The following MFSD6 variants were observed in gnomAD, a reference collection of about 807,000 sequenced individuals.
The protein encoded by MFSD6 is major facilitator superfamily domain-containing protein 6.
In MFSD6, 26 loss-of-function variants were observed where a neutral mutation model predicts 56.3. That is an observed-to-expected ratio of 0.46 (90% CI 0.34 to 0.64). The LOEUF is 0.64. MFSD6 is among the 30% of genes least tolerant of loss of function. The probability of loss-of-function intolerance (pLI) is 0.01; values close to 1 mark genes in which losing one functional copy is unlikely to be tolerated. For missense variants in MFSD6, 750 were observed against 986.2 expected (o/e 0.76, Z 3.21); for synonymous variants, 331 against 366.9 (o/e 0.90, Z 1.12).
intron 4 of MFSD6, among the ~76,000 whole-genome samples, chr2:190,486,410 C>A (rs13384743): frequency 0.15 from 22,266 of 152,272 alleles, 1,851 homozygotes; most frequent in Middle Eastern, 0.22. Context: ...ATGATGCTAT[C>A]TCCTCTCTGG....
At position 190,431,142 on chromosome 2, in the gene MFSD6, C is replaced by T. The variant is rs969446002; in HGVS notation, c.-53-4835C>T. ...GCAGAGGCGCTCCCCACATCTCAGACGATGGGCAGCCAGGCAGAGACGCTC... is the reference window on the plus strand; with the variant it reads ...GCAGAGGCGCTCCCCACATCTCAGATGATGGGCAGCCAGGCAGAGACGCTC... On this transcript the variant is annotated intron_variant, in intron 2 of 7. Coordinates refer to ENST00000392328, the MANE Select transcript of MFSD6 (RefSeq NM_017694.4). The surrounding 1 kb of genome is among the most constrained non-coding windows in gnomAD (Gnocchi z 4.4). 2.8e-5 allele frequency among the ~76,000 whole-genome samples: 4 copies of T among 141,646 alleles called. No homozygotes were observed. The highest frequency in any genetic ancestry group is 6.1e-5 in the Non-Finnish European group (4 of 65,760). The allele number at this position is 141,646 out of a possible 152,430, so 92.9% of individuals were successfully genotyped here. A position where few individuals can be genotyped will look rare whatever the true frequency, so the allele number is the denominator to read the frequency against.
chr2:190,500,285 C>A lies in MFSD6; in HGVS notation c.*67C>A. 6.4e-7 allele frequency: 1 copy of A among 1,562,172 alleles called. No homozygotes were observed. Among genetic ancestry groups the A allele is most frequent in the East Asian group, 2.3e-5 (1 of 44,142 alleles). On this transcript the variant is annotated 3_prime_UTR_variant, in exon 8 of 8. Transcript: ENST00000392328. The surrounding 1 kb of genome is among the most constrained non-coding windows in gnomAD (Gnocchi z 5.3). ...CTCAGCCAGGACACAGGGTGAGGCCCCCCAGCCAGGATATGCCTCCCCTGG... is the reference window on the plus strand; with the variant it reads ...CTCAGCCAGGACACAGGGTGAGGCCACCCAGCCAGGATATGCCTCCCCTGG...
In MFSD6 at chr2:190,460,446, C is replaced by T. The variant is rs147154779; in HGVS notation, c.1533-9312C>T. ...GTATAATATGTGCATAGTGTATATC[C>T]CTAGCACTTAGCATAGAGTATGTTC... On this transcript the variant is annotated intron_variant, in intron 3 of 7. Transcript: ENST00000392328. Among the ~76,000 whole-genome samples, 1,174 of 152,156 alleles carry T rather than the reference C, an allele frequency of 7.7e-3. 12 individuals carry two copies. Among genetic ancestry groups the T allele is most frequent in the African/African-American group, 0.026 (1,081 of 41,504 alleles).
At chr2:190,455,497 G>T (rs543836092) in intron 3 of MFSD6, among the ~76,000 whole-genome samples, 1 of 152,290 alleles carries the variant, frequency 6.6e-6, no homozygotes, top group East Asian at 1.9e-4. Context: ...ACCTGGTTGA[G>T]TCTTGCTTCT....
At chr2:190,440,168 C>T (rs922630098) in intron 3 of MFSD6, among the ~76,000 whole-genome samples, 5 of 152,146 alleles carry the variant, frequency 3.3e-5, no homozygotes, top group African/African-American at 4.8e-5. Context: ...TGGAGATTCA[C>T]AAATTCTTCA....
rs549113748 is a variant in MFSD6, at chr2:190,479,420, T to C, written c.1631-9237T>C. The stretch of plus-strand genomic sequence containing the variant: ...CAGGGAGTCTACGTGCCTAAAAGCA[T>C]TGCTGGATGGTGGTGGTGGTGAATA... On this transcript the variant is annotated intron_variant, in intron 4 of 7. Coordinates refer to ENST00000392328, the MANE Select transcript of MFSD6 (RefSeq NM_017694.4). Among the ~76,000 whole-genome samples, 6 of 152,314 alleles carry C rather than the reference T, an allele frequency of 3.9e-5. No homozygotes were observed. In the South Asian group the frequency reaches 1.2e-3, roughly 32 times the overall value.
At position 190,443,623 on chromosome 2, in the gene MFSD6, A is replaced by C. The variant is rs987408280; in HGVS notation, c.1532+6062A>C. On this transcript the variant is annotated intron_variant, in intron 3 of 7. Transcript: ENST00000392328. This position sits in a 1 kb window ranked among gnomAD's most constrained non-coding sequence, Gnocchi z 4.2. The stretch of plus-strand genomic sequence containing the variant: ...ACATTCCCCCTTAAACATCTTAGTC[A>C]AATTGAAATTTTTCTCCCCAAATTT... 1.3e-5 allele frequency among the ~76,000 whole-genome samples: 2 copies of C among 152,248 alleles called. No homozygotes were observed. The highest frequency in any genetic ancestry group is 2.9e-5 in the Non-Finnish European group (2 of 68,036).
Position 190,497,575 on chromosome 2 carries a change from C to A in MFSD6, c.2028C>A (p.His676Gln), listed in dbSNP as rs1360808644. The A allele has an allele frequency of 6.2e-7, 1 of 1,614,162 alleles. No individual in the cohort carries two copies. Among genetic ancestry groups the A allele is most frequent in the East Asian group, 2.2e-5 (1 of 44,878 alleles). Residue 676 changes from histidine (H) to glutamine (Q), a missense_variant, in exon 7 of 8, where the codon CAC becomes CAA. Transcript: ENST00000392328. The surrounding 1 kb of genome is among the most constrained non-coding windows in gnomAD (Gnocchi z 5.2). ...EPRLPPKKTK[H>Q]QEEQEDVNKP... ...GACTTCCACCCAAGAAAACTAAGCA[C>A]CAGGAAGAACAGGAAGATGTGAACA...
At chr2:190,450,916 G>A (rs879880702) in intron 3 of MFSD6, among the ~76,000 whole-genome samples, 2 of 152,156 alleles carry the variant, frequency 1.3e-5, no homozygotes, top group East Asian at 1.9e-4. Flanking sequence ...CATCTCCTGC[G>A]CATTGTGGTT....
intron 2 of MFSD6, among the ~76,000 whole-genome samples, chr2:190,419,717 T>G (rs993720138): frequency 2.6e-5 from 4 of 152,238 alleles, no homozygotes; most frequent in African/African-American, 4.8e-5. Context: ...CAGTTTTAAT[T>G]CAAATACATA....
Position 190,438,515 on chromosome 2 carries a change from A to T in MFSD6, c.1532+954A>T, listed in dbSNP as rs758354058. 6.6e-6 allele frequency among the ~76,000 whole-genome samples: 1 copy of T among 152,128 alleles called. No individual in the cohort carries two copies. The highest frequency in any genetic ancestry group is 1.5e-5 in the Non-Finnish European group (1 of 68,012). On this transcript the variant is annotated intron_variant, in intron 3 of 7. Coordinates refer to ENST00000392328, the MANE Select transcript of MFSD6 (RefSeq NM_017694.4). The surrounding 1 kb of genome is among the most constrained non-coding windows in gnomAD (Gnocchi z 5.2). The stretch of plus-strand genomic sequence containing the variant: ...TGGGCAACAGAGTGAGACTCCATCT[A>T]AAAAAAGAGAACACCCTGTAAGTGC...
intron 3 of MFSD6, chr2:190,444,781 A>G (rs1686511481): frequency 3.4e-6 from 1 of 290,714 alleles, no homozygotes; most frequent in Non-Finnish European, 5.1e-6. Context: ...ACTGAGTATT[A>G]GGGTGCTAAA....
At chr2:190,470,545 T>C (rs575099607) in intron 4 of MFSD6, among the ~76,000 whole-genome samples, 1 of 152,308 alleles carries the variant, frequency 6.6e-6, no homozygotes, top group South Asian at 2.1e-4. Flanking sequence ...GGCATCATGA[T>C]TAAAATAAAG....
chr2:190,469,885 T>A lies in MFSD6; in HGVS notation c.1630+30T>A, dbSNP rs1687819739. On this transcript the variant is annotated intron_variant, in intron 4 of 7. Coordinates refer to ENST00000392328, the MANE Select transcript of MFSD6 (RefSeq NM_017694.4). This position sits in a 1 kb window ranked among gnomAD's most constrained non-coding sequence, Gnocchi z 5.3. ...GTTAACAGCTGGGATTGAAATTATT[T>A]CTCTGCCTTCCCTGAGCTGTGGCTA... is the stretch of plus-strand genomic sequence containing the variant. The A allele has an allele frequency of 6.7e-7, 1 of 1,498,378 alleles. No individual in the cohort carries two copies. Among genetic ancestry groups the A allele is most frequent in the Non-Finnish European group, 9.3e-7 (1 of 1,080,006 alleles). 92.8% of individuals were successfully genotyped at this position (1,498,378 alleles called of 1,614,324 possible).
At chr2:190,455,618 G>A (rs1273914895) in intron 3 of MFSD6, among the ~76,000 whole-genome samples, 1 of 152,112 alleles carries the variant, frequency 6.6e-6, no homozygotes, top group East Asian at 1.9e-4. Flanking sequence ...TGTTTCAGAA[G>A]ATTATGGGCA....
chr2:190,419,371 G>A (rs993925694), intron 2 of MFSD6, among the ~76,000 whole-genome samples: 1 of 152,172 alleles, frequency 6.6e-6, no homozygotes, highest in Admixed American at 6.5e-5. Flanking sequence ...TGAGAATGTT[G>A]GCCAATAACA....
rs1172633106 is a variant in MFSD6 at position 190,499,736 on chromosome 2, T to C, written c.2173-279T>C. 1 of 1,282,340 alleles carries C rather than the reference T, an allele frequency of 7.8e-7. No homozygotes were observed. Among genetic ancestry groups the C allele is most frequent in the Non-Finnish European group, 1.0e-6 (1 of 953,676 alleles). The allele number at this position is 1,282,340 out of a possible 1,614,324, so 79.4% of individuals were successfully genotyped here. On this transcript the variant is annotated intron_variant, in intron 7 of 7. Transcript: ENST00000392328. The surrounding 1 kb of genome is among the most constrained non-coding windows in gnomAD (Gnocchi z 6.0). ...AGTAAATATTTGCTGATGTAAACTGTTTACCAAGTACTAACAGACATTTTG... is the reference window on the plus strand; with the variant it reads ...AGTAAATATTTGCTGATGTAAACTGCTTACCAAGTACTAACAGACATTTTG...
At chr2:190,408,706 C>CCTCCCTCCCCCG (rs1410719960) in intron 1 of MFSD6, among the ~76,000 whole-genome samples, 2 of 152,108 alleles carry the variant, frequency 1.3e-5, no homozygotes, top group Non-Finnish European at 2.9e-5. Flanking sequence ...TCCCTCCCTC[C>CCTCCCTCCCCCG]CTCCCTCCCC....
At chr2:190,460,529 C>G (rs4853710) in intron 3 of MFSD6, among the ~76,000 whole-genome samples, 106,416 of 152,146 alleles carry the variant, frequency 0.7, 38,337 homozygotes, top group Admixed American at 0.79. Flanking sequence ...TCTTCCGTTC[C>G]GGACTATTTA....
Sources: allele counts gnomAD v4.1 joint callset (sites outside exome capture counted in the v4.1 genomes callset), GRCh38; gene constraint gnomAD v4.1.1; non-coding constraint Gnocchi (gnomAD v3.1); transcripts MANE v1.5; gene names NCBI Gene and HGNC (gene_info 2026-07-23, HGNC 2026-07-21).